TMEM132D: variants seen among roughly 807,000 people sequenced by gnomAD.
TMEM132D encodes transmembrane protein 132D.
In TMEM132D, 21 loss-of-function variants were observed where a neutral mutation model predicts 62.3. The ratio of observed to expected loss-of-function variants is 0.34; its 90% CI spans 0.24 to 0.49. The LOEUF is 0.49. Ranked by LOEUF, TMEM132D falls within the 20% of genes least tolerant of loss-of-function variation. The probability of loss-of-function intolerance (pLI) is 0.99; values close to 1 mark genes in which losing one functional copy is unlikely to be tolerated. For synonymous variants in TMEM132D, 621 were observed against 575.6 expected (o/e 1.08, Z -1.13); for missense variants, 1,346 against 1,402.8 (o/e 0.96, Z 0.65).
chr12:129,089,437 CATGACCGGGGTGTCCTCT>C (rs1565960465), intron 5 of TMEM132D, among the ~76,000 whole-genome samples: 2 of 74,206 alleles, frequency 2.7e-5, no homozygotes, highest in African/African-American at 1.3e-4. Flanking sequence ...GGGTGTCCTC[CATGACCGGGGTGTCCTCT>C]ATGACCGGGT....
At chr12:129,547,557 G>C (rs540573494) in intron 2 of TMEM132D, among the ~76,000 whole-genome samples, 2 of 152,132 alleles carry the variant, frequency 1.3e-5, no homozygotes, top group Non-Finnish European at 2.9e-5. Flanking sequence ...CTCAACACCG[G>C]TCATTTCAGC....
intron 4 of TMEM132D, among the ~76,000 whole-genome samples, chr12:129,283,691 C>A (rs1350370721): frequency 5.9e-5 from 9 of 152,162 alleles, no homozygotes; most frequent in Admixed American, 2.0e-4. Context: ...GATTAGGGAG[C>A]AGGGCTCCTA....
intron 3 of TMEM132D, among the ~76,000 whole-genome samples, chr12:129,530,821 A>G (rs1353292039): frequency 6.6e-6 from 1 of 152,150 alleles, no homozygotes; most frequent in Non-Finnish European, 1.5e-5. Flanking sequence ...TGCATGGTGC[A>G]GTCCTTGCAG....
chr12:129,170,836 C>T (rs1470264772), intron 5 of TMEM132D, among the ~76,000 whole-genome samples: 2 of 151,746 alleles, frequency 1.3e-5, no homozygotes, highest in South Asian at 4.2e-4. Context: ...GATAAAAATG[C>T]TAATGATAAT....
intron 2 of TMEM132D, among the ~76,000 whole-genome samples, chr12:129,678,492 C>A (rs1221819678): frequency 1.3e-5 from 2 of 151,954 alleles, no homozygotes; most frequent in Non-Finnish European, 2.9e-5. Flanking sequence ...TTATATTTGG[C>A]TATTTGCTTT....
At chr12:129,352,355 T>C (rs1430450582) in intron 3 of TMEM132D, among the ~76,000 whole-genome samples, 2 of 152,116 alleles carry the variant, frequency 1.3e-5, no homozygotes, top group African/African-American at 2.4e-5. Context: ...ATACAAGCTT[T>C]GTACCTAGGG....
intron 2 of TMEM132D, among the ~76,000 whole-genome samples, chr12:129,618,305 T>C (rs924291783): frequency 6.6e-6 from 1 of 152,242 alleles, no homozygotes; most frequent in South Asian, 2.1e-4. Context: ...TCTTAAATTA[T>C]TAAAGCAAAA....
chr12:129,843,864 G>C (rs922448088), intron 1 of TMEM132D, among the ~76,000 whole-genome samples: 1 of 151,980 alleles, frequency 6.6e-6, no homozygotes, highest in African/African-American at 2.4e-5. Flanking sequence ...CGAGGTGGGG[G>C]GATTGCTTGA....
Position 129,631,995 on chromosome 12 carries a change from A to C in TMEM132D, c.968+67815T>G, listed in dbSNP as rs181082333. On this transcript the variant is annotated intron_variant, in intron 2 of 8. Coordinates refer to ENST00000422113, the MANE Select transcript of TMEM132D (RefSeq NM_133448.3). The stretch of plus-strand genomic sequence containing the variant: ...CTATTCCAAGGAATAAGTAAAGGCA[A>C]AAGGGAACTCCAGGAAGACGTTCAC... Among the ~76,000 whole-genome samples the C allele has an allele frequency of 8.5e-5, 13 of 152,336 alleles. No homozygotes were observed. In the East Asian group the frequency reaches 1.9e-3, roughly 23 times the overall value.
At chr12:129,093,576 G>A (rs559575681) in intron 5 of TMEM132D, among the ~76,000 whole-genome samples, 1 of 152,286 alleles carries the variant, frequency 6.6e-6, no homozygotes, top group East Asian at 1.9e-4. Flanking sequence ...TCATGGGTAG[G>A]AAGAATCAAT....
chr12:129,454,455 G>A (rs1264760299), intron 3 of TMEM132D, among the ~76,000 whole-genome samples: 5 of 152,172 alleles, frequency 3.3e-5, no homozygotes, highest in Admixed American at 3.3e-4. Flanking sequence ...ATAAGGGGCT[G>A]TAACTGGCTT....
intron 4 of TMEM132D, among the ~76,000 whole-genome samples, chr12:129,260,116 A>G (rs2135594992): frequency 6.6e-6 from 1 of 152,302 alleles, no homozygotes; most frequent in Non-Finnish European, 1.5e-5. Flanking sequence ...GAAAGAGTCT[A>G]CCACAGAGGC....
At chr12:129,741,170 T>G (rs1004822528) in intron 1 of TMEM132D, among the ~76,000 whole-genome samples, 1 of 152,196 alleles carries the variant, frequency 6.6e-6, no homozygotes, top group African/African-American at 2.4e-5. Flanking sequence ...ACAGGGCAAA[T>G]GTAGCAGGAT....
chr12:129,747,790 G>A (rs1048513622), intron 1 of TMEM132D, among the ~76,000 whole-genome samples: 6 of 142,522 alleles, frequency 4.2e-5, no homozygotes, highest in African/African-American at 1.1e-4. Context: ...TCACACACTC[G>A]ACACAGACAC....
intron 3 of TMEM132D, among the ~76,000 whole-genome samples, chr12:129,415,338 CTCTG>C: frequency 6.6e-6 from 1 of 152,276 alleles, no homozygotes; most frequent in East Asian, 1.9e-4. Flanking sequence ...CACTTGTTTC[CTCTG>C]TCTTTTTGGT....
intron 1 of TMEM132D, among the ~76,000 whole-genome samples, chr12:129,803,003 T>C (rs966014417): frequency 6.6e-6 from 1 of 150,656 alleles, no homozygotes; most frequent in Non-Finnish European, 1.5e-5. Context: ...CCTAAATATA[T>C]ATGCACCCAA....
intron 3 of TMEM132D, among the ~76,000 whole-genome samples, chr12:129,343,888 G>T (rs1349434805): frequency 6.6e-6 from 1 of 152,162 alleles, no homozygotes; most frequent in Non-Finnish European, 1.5e-5. Context: ...CTGAGATCAT[G>T]ATCGTGCCAC....
chr12:129,422,876 G>A (rs921068013), intron 3 of TMEM132D, among the ~76,000 whole-genome samples: 95 of 148,638 alleles, frequency 6.4e-4, no homozygotes, highest in Non-Finnish European at 1.2e-3. Context: ...ACATATATGT[G>A]TATATATATA....
At chr12:129,773,502 G>A (rs536075236) in intron 1 of TMEM132D, among the ~76,000 whole-genome samples, 9 of 152,306 alleles carry the variant, frequency 5.9e-5, no homozygotes, top group African/African-American at 2.2e-4. Flanking sequence ...TGAAGATATG[G>A]AAGCAGCAGG....
Sources: gnomAD v4.1 joint callset for allele counts (sites outside exome capture counted in the v4.1 genomes callset) on GRCh38, gnomAD v4.1.1 for gene constraint, MANE v1.5 for transcripts, NCBI Gene and HGNC (gene_info 2026-07-23, HGNC 2026-07-21) for gene names.